The following CAMKK2 variants were observed in gnomAD, a reference collection of about 807,000 sequenced individuals.
The protein encoded by CAMKK2 is calcium/calmodulin-dependent protein kinase kinase 2.
CAMKK2 carries 30 observed loss-of-function variants against 67.2 expected under a neutral mutation model. The observed-to-expected ratio is 0.45, with a 90% CI of 0.33 to 0.61. The LOEUF is 0.61. CAMKK2 is among the 20% of genes least tolerant of loss of function. The probability of loss-of-function intolerance (pLI) is 0.02; values close to 1 mark genes in which losing one functional copy is unlikely to be tolerated. For synonymous variants in CAMKK2, 322 were observed against 326.2 expected (o/e 0.99, Z 0.14); for missense variants, 643 against 802.0 (o/e 0.80, Z 2.39).
At chr12:121,263,777 C>T (rs1466446667) in intron 6 of CAMKK2, 29 bp downstream of exon 6, 1 of 1,576,746 alleles carries the variant, frequency 6.3e-7, no homozygotes, top group Non-Finnish European at 8.7e-7. Flanking sequence ...CAGGGCCTCC[C>T]TCCCTCCTGG....
intron 16 of CAMKK2, chr12:121,244,113 G>T: frequency 5.6e-6 from 9 of 1,612,078 alleles, no homozygotes; most frequent in Non-Finnish European, 7.6e-6. Context: ...GGCAGGAAGG[G>T]GACTTATTTT....
chr12:121,276,140 A>G (rs1896761114), intron 1 of CAMKK2, among the ~76,000 whole-genome samples: 1 of 141,634 alleles, frequency 7.1e-6, no homozygotes, highest in Non-Finnish European at 1.5e-5. Context: ...AGCCTGGATG[A>G]CAGAGTGAGA....
At chr12:121,297,569 C>T (rs572172008), upstream of CAMKK2, 1 of 515,174 alleles carries the variant, frequency 1.9e-6, no homozygotes, top group African/African-American at 1.9e-5. Flanking sequence ...GCGTTGGATC[C>T]CCCAGCTGGA....
chr12:121,243,973 G>C, intron 16 of CAMKK2: 1 of 1,489,390 alleles, frequency 6.7e-7, no homozygotes, highest in Non-Finnish European at 8.9e-7. Flanking sequence ...GTCTCATAAG[G>C]ACACAAAGCC....
intron 1 of CAMKK2, among the ~76,000 whole-genome samples, chr12:121,281,745 CA>C (rs763773477): frequency 1.3e-5 from 2 of 152,118 alleles, no homozygotes; most frequent in African/African-American, 2.4e-5. Flanking sequence ...GTCAGGAGTT[CA>C]AGACTAGCCT....
chr12:121,248,249 C>T (rs1889900190), intron 14 of CAMKK2, among the ~76,000 whole-genome samples: 1 of 152,222 alleles, frequency 6.6e-6, no homozygotes, highest in South Asian at 2.1e-4. Flanking sequence ...ACGCCATCCA[C>T]CCTGGAGCCT....
chr12:121,245,355 G>T lies in CAMKK2; in HGVS notation c.1453-115C>A. ...GCCCCTGCCAGCTCCCAGGGCTGGT[G>T]ACCGATGGCAGACTTTGAGAGAAAC... On this transcript the variant is annotated intron_variant, in intron 14 of 16. Transcript: ENST00000404169. This position sits in a 1 kb window ranked among gnomAD's most constrained non-coding sequence, Gnocchi z 5.8. The T allele has an allele frequency of 2.9e-6, 2 of 688,270 alleles. No individual in the cohort carries two copies. Among genetic ancestry groups the T allele is most frequent in the South Asian group, 1.6e-5 (1 of 61,256 alleles). The allele number at this position is 688,270 out of a possible 1,614,324, so 42.6% of individuals were successfully genotyped here. A position where few individuals can be genotyped will look rare whatever the true frequency, so the allele number is the denominator to read the frequency against.
At chr12:121,242,255 A>T (rs1888515370) in intron 16 of CAMKK2, among the ~76,000 whole-genome samples, 1 of 151,856 alleles carries the variant, frequency 6.6e-6, no homozygotes, top group Non-Finnish European at 1.5e-5. Context: ...GAATCGCTTG[A>T]GCCTAGGAGG....
chr12:121,271,165 C>T (rs1425440295), intron 2 of CAMKK2, among the ~76,000 whole-genome samples: 3 of 151,466 alleles, frequency 2.0e-5, no homozygotes, highest in Non-Finnish European at 4.4e-5. Flanking sequence ...ATCCCAGCTA[C>T]TCAGGAGGCT....
Position 121,263,915 on chromosome 12 carries a change from C to A in CAMKK2, c.650G>T (p.Arg217Leu). The A allele has an allele frequency of 6.2e-7, 1 of 1,606,920 alleles. No individual in the cohort carries two copies. Among genetic ancestry groups the A allele is most frequent in the Non-Finnish European group, 8.5e-7 (1 of 1,174,834 alleles). ...FPRRPPPRGT[R>L]PAPGGCIQPR... ...CTGGATGCAGCCTCCAGGAGCTGGC[C>A]GGGTGCCTCGGGGTGGAGGGCGACC... Residue 217 changes from arginine (R) to leucine (L), a missense_variant, in exon 6 of 17, where the codon CGG (arginine) becomes CTG (leucine). Physicochemically the swap from Arg to Leu is moderately radical, Grantham distance 102. Around this residue, in one of 3 missense-constraint regions of CAMKK2, gnomAD observed 483 missense variants for 625.8 expected, o/e 0.77. Transcript: ENST00000404169.
At chr12:121,243,972 G>A (rs959640965) in intron 16 of CAMKK2, 1 of 1,487,700 alleles carries the variant, frequency 6.7e-7, no homozygotes. Flanking sequence ...AGTCTCATAA[G>A]GACACAAAGC....
chr12:121,246,737 G>A (rs1325513521), intron 14 of CAMKK2, among the ~76,000 whole-genome samples: 1 of 151,844 alleles, frequency 6.6e-6, no homozygotes, highest in Admixed American at 6.6e-5. Context: ...CCCAGCCCTT[G>A]CATCTCTCTG....
intron 6 of CAMKK2, among the ~76,000 whole-genome samples, chr12:121,261,333 T>C (rs1357875322): frequency 6.6e-6 from 1 of 152,172 alleles, no homozygotes; most frequent in Non-Finnish European, 1.5e-5. Context: ...GCTAACCAAA[T>C]GCCCTTGGGC....
At chr12:121,265,967 T>C (rs1473057887) in intron 5 of CAMKK2, among the ~76,000 whole-genome samples, 2 of 152,198 alleles carry the variant, frequency 1.3e-5, no homozygotes, top group African/African-American at 4.8e-5. Context: ...AGACAGGGTC[T>C]GTCTACCAGA....
Position 121,269,524 on chromosome 12 carries a change from TC to T in CAMKK2, c.573+3del. 3 of 1,600,006 alleles carry T rather than the reference TC, an allele frequency of 1.9e-6. No individual in the cohort carries two copies. The highest frequency in any genetic ancestry group is 2.6e-6 in the Non-Finnish European group (3 of 1,170,802). ...GGGGCAGGGAGGAGAATGCGGATAC[TC>T]ACATAGTAGGTATTGTCATTTTCAT... On this transcript the variant is annotated splice_donor_region_variant and intron_variant, in intron 4 of 16. Coordinates refer to ENST00000404169, the MANE Select transcript of CAMKK2 (RefSeq NM_001270485.2).
chr12:121,289,041 G>A (rs547916276), intron 1 of CAMKK2, among the ~76,000 whole-genome samples: 1 of 151,948 alleles, frequency 6.6e-6, no homozygotes, highest in Admixed American at 6.6e-5. Flanking sequence ...AGTTCCCCAG[G>A]GTATAGCCTG....
intron 1 of CAMKK2, among the ~76,000 whole-genome samples, chr12:121,284,504 T>G (rs1316986230): frequency 1.3e-5 from 2 of 152,092 alleles, no homozygotes; most frequent in Non-Finnish European, 2.9e-5. Context: ...TTGTGTTTTT[T>G]GGTGGAGACA....
At chr12:121,243,825 A>T (rs200542297) in intron 16 of CAMKK2, 6 of 1,257,192 alleles carry the variant, frequency 4.8e-6, no homozygotes, top group Non-Finnish European at 6.1e-6. Context: ...GTACCTCAGT[A>T]AAGCTATGTT....
intron 16 of CAMKK2, chr12:121,243,879 A>C: frequency 7.3e-7 from 1 of 1,365,432 alleles, no homozygotes; most frequent in African/African-American, 1.5e-5. Flanking sequence ...CAAGTCAGGT[A>C]GCCATGATGT....
Sources: allele counts gnomAD v4.1 joint callset (sites outside exome capture counted in the v4.1 genomes callset), GRCh38; gene constraint gnomAD v4.1.1; regional missense constraint gnomAD v4.1.1; non-coding constraint Gnocchi (gnomAD v3.1); transcripts MANE v1.5; gene names NCBI Gene and HGNC (gene_info 2026-07-23, HGNC 2026-07-21).